Variants in ARHGAP10 observed in about 807,000 individuals in gnomAD.
ARHGAP10 encodes rho GTPase-activating protein 10.
Under a neutral mutation model 108.6 loss-of-function variants are expected in ARHGAP10, and 87 were observed. The ratio of observed to expected loss-of-function variants is 0.80; its 90% CI spans 0.67 to 0.96. The LOEUF (loss-of-function observed/expected upper bound fraction) is 0.96. ARHGAP10 is among the 40% of genes least tolerant of loss of function. ARHGAP10 has a pLI of 0.00. For synonymous variants in ARHGAP10, 347 were observed against 341.1 expected (o/e 1.02, Z -0.19); for missense variants, 939 against 954.5 (o/e 0.98, Z 0.21).
intron 7 of ARHGAP10, among the ~76,000 whole-genome samples, chr4:147,870,055 T>C (rs1331213766): frequency 1.3e-5 from 2 of 149,668 alleles, no homozygotes; most frequent in African/African-American, 5.0e-5. Context: ...TTTCATTTAT[T>C]TGTTTGTTTG....
chr4:147,826,195 T>C (rs935410564), intron 3 of ARHGAP10, among the ~76,000 whole-genome samples: 3 of 152,228 alleles, frequency 2.0e-5, no homozygotes, highest in Non-Finnish European at 4.4e-5. Context: ...CTCAGTATTC[T>C]GTTTCTGTTT....
intron 1 of ARHGAP10, among the ~76,000 whole-genome samples, chr4:147,740,032 G>T (rs1234481694): frequency 6.7e-6 from 1 of 148,836 alleles, no homozygotes; most frequent in Non-Finnish European, 1.5e-5. Context: ...CACTGCGTCT[G>T]GCCTTACTGG....
Position 147,939,914 on chromosome 4 carries a change from T to C in ARHGAP10, c.1303+15T>C, listed in dbSNP as rs776403203. On this transcript the variant is annotated intron_variant, in intron 14 of 22. Transcript: ENST00000336498. ...TATGTTGATGGGTATGCCTCTTTTC[T>C]AATCATTTTTCCATGTGTTATTTGT... The C allele has an allele frequency of 1.9e-6, 3 of 1,603,740 alleles. No homozygotes were observed. Among genetic ancestry groups the C allele is most frequent in the South Asian group, 2.2e-5 (2 of 90,284 alleles).
rs560049860 is a variant in ARHGAP10, at chr4:148,029,986, G to C, written c.1867+6573G>C. The stretch of plus-strand genomic sequence containing the variant: ...TGTCTCCCCAGAAACCTCCCGTGAG[G>C]CTCAGCATCCCCCCCCCCACCAACC... On this transcript the variant is annotated intron_variant, in intron 19 of 22. Coordinates refer to ENST00000336498, the MANE Select transcript of ARHGAP10 (RefSeq NM_024605.4). Among the ~76,000 whole-genome samples the C allele has an allele frequency of 2.4e-4, 36 of 149,894 alleles. No homozygotes were observed. In the East Asian group the frequency reaches 6.6e-3, roughly 28 times the overall value.
intron 18 of ARHGAP10, among the ~76,000 whole-genome samples, chr4:147,984,166 A>G (rs1205838460): frequency 1.8e-4 from 27 of 152,108 alleles, no homozygotes; most frequent in Non-Finnish European, 1.6e-4. Context: ...TTTAAGCTGC[A>G]GTCCAGTAGA....
At chr4:147,817,622 AAGAATT>A (rs1468781132) in intron 1 of ARHGAP10, among the ~76,000 whole-genome samples, 1 of 152,140 alleles carries the variant, frequency 6.6e-6, no homozygotes, top group Non-Finnish European at 1.5e-5. Flanking sequence ...TAACCCTGGG[AAGAATT>A]AGATCACCTA....
intron 13 of ARHGAP10, among the ~76,000 whole-genome samples, chr4:147,934,038 C>T (rs1181484714): frequency 1.3e-5 from 2 of 152,208 alleles, no homozygotes; most frequent in East Asian, 1.9e-4. Context: ...CCTGTGCAAG[C>T]AGCTCTGAGT....
In ARHGAP10 at chr4:147,845,025, C is replaced by T. The variant is rs561403423; in HGVS notation, c.313-2126C>T. Among the ~76,000 whole-genome samples, 84 of 152,230 alleles carry T rather than the reference C, an allele frequency of 5.5e-4. 1 individual carries two copies. The highest frequency in any genetic ancestry group is 1.0e-3 in the Non-Finnish European group (69 of 68,046). On this transcript the variant is annotated intron_variant, in intron 3 of 22. Transcript: ENST00000336498. ...CTGCCATCACTCAGCATTACAGGCT[C>T]ACTTCATTGCTCCTTACGCTTCAGC... is the stretch of plus-strand genomic sequence containing the variant.
rs1367836076 is a variant in ARHGAP10 at position 147,740,652 on chromosome 4, GAC to G, written c.154+8201_154+8202del. ...CGGGTTGATTTAGTATCCATTACAAGACACAGACCTCCACTCTGTCTCTCTCA... is the reference window on the plus strand; with the variant it reads ...CGGGTTGATTTAGTATCCATTACAAGACAGACCTCCACTCTGTCTCTCTCA... On this transcript the variant is annotated intron_variant, in intron 1 of 22. Transcript: ENST00000336498. Among the ~76,000 whole-genome samples the G allele has an allele frequency of 8.5e-5, 13 of 152,238 alleles. No individual in the cohort carries two copies. In the East Asian group the frequency reaches 2.5e-3, roughly 29 times the overall value.
intron 19 of ARHGAP10, among the ~76,000 whole-genome samples, chr4:148,037,485 C>T (rs990949697): frequency 3.3e-5 from 5 of 152,056 alleles, no homozygotes; most frequent in Non-Finnish European, 1.5e-5. Context: ...CTGTATGTAC[C>T]ACATTTGAGG....
chr4:148,066,683 G>C (rs1225813084), intron 22 of ARHGAP10, among the ~76,000 whole-genome samples: 1 of 152,224 alleles, frequency 6.6e-6, no homozygotes, highest in African/African-American at 2.4e-5. Flanking sequence ...AACTCTGCAG[G>C]TATTTTGCCT....
At chr4:147,890,123 G>A (rs1735738899) in intron 10 of ARHGAP10, among the ~76,000 whole-genome samples, 1 of 152,232 alleles carries the variant, frequency 6.6e-6, no homozygotes, top group Admixed American at 6.5e-5. Flanking sequence ...CTGGAATGGA[G>A]TTATGTGGTT....
chr4:148,053,478 G>A (rs540275418), intron 20 of ARHGAP10, among the ~76,000 whole-genome samples: 14 of 152,234 alleles, frequency 9.2e-5, no homozygotes, highest in African/African-American at 3.4e-4. Flanking sequence ...GCTGAGATGC[G>A]GGCGGGAGGG....
At chr4:148,048,012 G>A (rs1047488451) in intron 20 of ARHGAP10, among the ~76,000 whole-genome samples, 2 of 151,884 alleles carry the variant, frequency 1.3e-5, no homozygotes, top group Non-Finnish European at 2.9e-5. Context: ...TAGTAGAGAC[G>A]GGGTTTCACC....
intron 3 of ARHGAP10, among the ~76,000 whole-genome samples, chr4:147,836,153 G>A (rs1733161115): frequency 6.6e-6 from 1 of 152,064 alleles, no homozygotes; most frequent in South Asian, 2.1e-4. Flanking sequence ...TTCTTTTGTG[G>A]GAGGCAAACA....
At chr4:147,822,495 A>G (rs541284283) in intron 1 of ARHGAP10, among the ~76,000 whole-genome samples, 13 of 152,308 alleles carry the variant, frequency 8.5e-5, no homozygotes, top group African/African-American at 3.1e-4. Context: ...GGGAGGGAAT[A>G]AACATTTTTT....
At chr4:147,857,425 AG>A in intron 4 of ARHGAP10, 127 bp from the exon 5 acceptor site, 1 of 906,720 alleles carries the variant, frequency 1.1e-6, no homozygotes, top group Non-Finnish European at 1.5e-6. Context: ...TTTTTTAGAT[AG>A]CTTTATCACA....
intron 1 of ARHGAP10, among the ~76,000 whole-genome samples, chr4:147,778,473 G>A (rs1730397619): frequency 6.6e-6 from 1 of 152,052 alleles, no homozygotes; most frequent in Non-Finnish European, 1.5e-5. Context: ...TTAAATGGTG[G>A]GCAAAAGTTA....
chr4:147,782,983 A>G (rs1312368814), intron 1 of ARHGAP10, among the ~76,000 whole-genome samples: 2 of 139,350 alleles, frequency 1.4e-5, no homozygotes, highest in South Asian at 4.3e-4. Context: ...TATATATTAT[A>G]TAAATTATAT....
Sources: gnomAD v4.1 joint callset for allele counts (sites outside exome capture counted in the v4.1 genomes callset) on GRCh38, gnomAD v4.1.1 for gene constraint, MANE v1.5 for transcripts, NCBI Gene and HGNC (gene_info 2026-07-23, HGNC 2026-07-21) for gene names.